CACNA2D3: variants seen among roughly 807,000 people sequenced by gnomAD.
The protein encoded by CACNA2D3 is voltage-dependent calcium channel subunit alpha-2/delta-3.
A neutral mutation model predicts 160.6 loss-of-function variants in CACNA2D3; 60 were observed. The observed-to-expected ratio is 0.37, with a 90% CI of 0.30 to 0.46. The LOEUF (loss-of-function observed/expected upper bound fraction) is 0.46, where lower values mean the gene tolerates loss of function less well. CACNA2D3 is among the 20% of genes least tolerant of loss of function. The probability of loss-of-function intolerance (pLI) is 1.00; values close to 1 mark genes in which losing one functional copy is unlikely to be tolerated. For missense variants in CACNA2D3, 1,205 were observed against 1,365.0 expected (o/e 0.88, Z 1.85); for synonymous variants, 558 against 492.9 (o/e 1.13, Z -1.75).
At chr3:54,812,850 C>T (rs1040339721) in intron 13 of CACNA2D3, among the ~76,000 whole-genome samples, 1 of 152,180 alleles carries the variant, frequency 6.6e-6, no homozygotes, top group African/African-American at 2.4e-5. Context: ...TGTTTCCTCA[C>T]CTGTAAACTG....
intron 12 of CACNA2D3, among the ~76,000 whole-genome samples, chr3:54,763,087 C>CAAAA (rs10662094): frequency 1.7e-5 from 2 of 120,640 alleles, no homozygotes; most frequent in Non-Finnish European, 1.7e-5. Context: ...GACTCCATCT[C>CAAAA]AAAAAAAAAA....
At chr3:55,019,760 A>G (rs184709986) in intron 35 of CACNA2D3, among the ~76,000 whole-genome samples, 6 of 152,170 alleles carry the variant, frequency 3.9e-5, no homozygotes, top group Non-Finnish European at 7.4e-5. Flanking sequence ...TTGTTGCACT[A>G]TACTTCTGAC....
At chr3:54,559,544 C>T (rs1702292642) in intron 5 of CACNA2D3, among the ~76,000 whole-genome samples, 1 of 152,124 alleles carries the variant, frequency 6.6e-6, no homozygotes, top group African/African-American at 2.4e-5. Context: ...CTGCCCACCT[C>T]GGCCTCCCAA....
intron 13 of CACNA2D3, among the ~76,000 whole-genome samples, chr3:54,813,127 A>G (rs551569099): frequency 6.6e-6 from 1 of 152,150 alleles, no homozygotes. Flanking sequence ...AGCACACCAC[A>G]ACTTTTTTCT....
chr3:55,002,385 G>C (rs560218070), intron 31 of CACNA2D3, among the ~76,000 whole-genome samples: 142 of 152,308 alleles, frequency 9.3e-4, no homozygotes, highest in Admixed American at 1.8e-3. Flanking sequence ...GAAAGCCCTT[G>C]CAGGGGTACC....
At chr3:54,214,865 G>A (rs1478077322) in intron 2 of CACNA2D3, among the ~76,000 whole-genome samples, 1 of 152,240 alleles carries the variant, frequency 6.6e-6, no homozygotes, top group Non-Finnish European at 1.5e-5. Context: ...GAGCTCAGGG[G>A]TTGAGTGCAG....
intron 2 of CACNA2D3, among the ~76,000 whole-genome samples, chr3:54,298,329 C>A (rs1247481314): frequency 4.6e-5 from 7 of 152,232 alleles, no homozygotes. Context: ...AGGATCCTTT[C>A]TAGCACTCAC....
At chr3:54,929,652 A>C (rs1161283221) in intron 27 of CACNA2D3, among the ~76,000 whole-genome samples, 1 of 152,122 alleles carries the variant, frequency 6.6e-6, no homozygotes, top group African/African-American at 2.4e-5. Flanking sequence ...TGAGCATCAC[A>C]CATACAATGG....
intron 17 of CACNA2D3, among the ~76,000 whole-genome samples, chr3:54,852,195 G>T (rs1379484216): frequency 6.6e-6 from 1 of 152,202 alleles, no homozygotes; most frequent in African/African-American, 2.4e-5. Context: ...GAAGTGGGAG[G>T]TTGCCCAGAA....
chr3:54,886,936 T>A, intron 23 of CACNA2D3, among the ~76,000 whole-genome samples: 1 of 20,390 alleles, frequency 4.9e-5, no homozygotes, highest in Non-Finnish European at 7.4e-5. Flanking sequence ...AGCAAAGCTC[T>A]TTTTTTTTTT....
chr3:54,435,927 C>T (rs1237840947), intron 4 of CACNA2D3, among the ~76,000 whole-genome samples: 1 of 152,048 alleles, frequency 6.6e-6, no homozygotes, highest in Non-Finnish European at 1.5e-5. Flanking sequence ...ATGAAAAATA[C>T]AGTCACCAAA....
At chr3:54,770,706 C>T (rs1264970834) in intron 13 of CACNA2D3, among the ~76,000 whole-genome samples, 1 of 152,184 alleles carries the variant, frequency 6.6e-6, no homozygotes, top group East Asian at 1.9e-4. Context: ...TATGTCTGTT[C>T]CCCATGCTTG....
At chr3:54,665,891 T>A (rs1202688170) in intron 11 of CACNA2D3, among the ~76,000 whole-genome samples, 1 of 151,188 alleles carries the variant, frequency 6.6e-6, no homozygotes, top group Non-Finnish European at 1.5e-5. Flanking sequence ...AGCCTCAACC[T>A]CTCAGGTTCA....
intron 3 of CACNA2D3, among the ~76,000 whole-genome samples, chr3:54,334,236 G>A (rs1057411088): frequency 2.0e-5 from 3 of 151,366 alleles, no homozygotes; most frequent in South Asian, 4.2e-4. Flanking sequence ...ACAGGCGCTC[G>A]CCACGACGCT....
In CACNA2D3 at chr3:54,887,898, T is replaced by G. The variant is rs1160054966; in HGVS notation, c.2057-61T>G. 6 of 1,246,290 alleles carry G rather than the reference T, an allele frequency of 4.8e-6. No individual in the cohort carries two copies. The East Asian group carries it at 1.4e-4, about 29-fold the overall frequency. 77.2% of individuals were successfully genotyped at this position (1,246,290 alleles called of 1,614,324 possible). ...AGATGCTGCACAATGAGCCCATGAG[T>G]GCCTCTCATGCCCCTCTTCCAGCCC... On this transcript the variant is annotated intron_variant, in intron 23 of 37. Transcript: ENST00000474759.
chr3:54,545,774 CTG>C (rs1258955374), intron 5 of CACNA2D3, among the ~76,000 whole-genome samples: 1 of 152,162 alleles, frequency 6.6e-6, no homozygotes. Context: ...TGAGATGACT[CTG>C]TGGGTGTTTG....
intron 17 of CACNA2D3, among the ~76,000 whole-genome samples, chr3:54,866,085 A>G (rs1267525895): frequency 1.3e-5 from 2 of 152,198 alleles, no homozygotes; most frequent in Non-Finnish European, 1.5e-5. Flanking sequence ...GGGATCAAGA[A>G]CATGAGGGTG....
At chr3:54,283,418 T>G (rs1037668758) in intron 2 of CACNA2D3, among the ~76,000 whole-genome samples, 1 of 152,362 alleles carries the variant, frequency 6.6e-6, no homozygotes, top group East Asian at 1.9e-4. Flanking sequence ...TGAAGTTGCA[T>G]ATCTGCACTC....
intron 4 of CACNA2D3, among the ~76,000 whole-genome samples, chr3:54,466,871 C>T (rs542674741): frequency 1.3e-5 from 2 of 152,236 alleles, no homozygotes; most frequent in African/African-American, 2.4e-5. Context: ...TTTGCTTCAT[C>T]ATTTTGTGGT....
Sources: gnomAD v4.1 joint callset for allele counts (sites outside exome capture counted in the v4.1 genomes callset) on GRCh38, gnomAD v4.1.1 for gene constraint, MANE v1.5 for transcripts, NCBI Gene and HGNC (gene_info 2026-07-23, HGNC 2026-07-21) for gene names.